Variants in MDGA2 observed in about 807,000 individuals in gnomAD.
MDGA2 encodes MAM domain-containing glycosylphosphatidylinositol anchor protein 2.
A neutral mutation model predicts 117.8 loss-of-function variants in MDGA2; 40 were observed. The ratio of observed to expected loss-of-function variants is 0.34; its 90% CI spans 0.26 to 0.44. MDGA2 has a LOEUF of 0.44. Among genes scored for constraint, MDGA2 ranks in the 20% least tolerant of loss-of-function variants. MDGA2 has a pLI of 1.00. For synonymous variants in MDGA2, 452 were observed against 439.0 expected, an observed-to-expected ratio of 1.03 and a Z score of -0.37; for missense variants, 1,123 against 1,250.6, an observed-to-expected ratio of 0.90 and a Z score of 1.54.
intron 1 of MDGA2, among the ~76,000 whole-genome samples, chr14:47,493,735 A>G (rs1400178784): frequency 6.6e-6 from 1 of 152,228 alleles, no homozygotes; most frequent in Non-Finnish European, 1.5e-5. Context: ...TAGATAATTA[A>G]GTATATTATT....
intron 1 of MDGA2, among the ~76,000 whole-genome samples, chr14:47,555,896 C>G (rs1280456781): frequency 6.6e-6 from 1 of 152,154 alleles, no homozygotes; most frequent in African/African-American, 2.4e-5. Flanking sequence ...CTCCTCCATC[C>G]CCCTAGCCAT....
intron 1 of MDGA2, among the ~76,000 whole-genome samples, chr14:47,360,354 A>AAAATACATAAAT (rs1891091101): frequency 7.1e-6 from 1 of 139,972 alleles, no homozygotes; most frequent in Non-Finnish European, 1.5e-5. Flanking sequence ...TCCATCTCAA[A>AAAATACATAAAT]AAATAAATAA....
chr14:46,898,251 ACT>A (rs1486685019), intron 10 of MDGA2, among the ~76,000 whole-genome samples: 6 of 152,008 alleles, frequency 3.9e-5, no homozygotes, highest in African/African-American at 9.7e-5. Flanking sequence ...TTTGGAAGAG[ACT>A]CTGGTAATTT....
chr14:47,074,240 T>C (rs879763957), intron 6 of MDGA2, among the ~76,000 whole-genome samples: 1 of 152,170 alleles, frequency 6.6e-6, no homozygotes, highest in Non-Finnish European at 1.5e-5. Flanking sequence ...ACTCTCAAGA[T>C]AGTAATATAT....
intron 3 of MDGA2, among the ~76,000 whole-genome samples, chr14:47,191,642 A>G (rs898566699): frequency 6.6e-5 from 10 of 152,118 alleles, no homozygotes; most frequent in Non-Finnish European, 1.2e-4. Flanking sequence ...AAACAAGATT[A>G]CCAAAGTAAG....
intron 1 of MDGA2, among the ~76,000 whole-genome samples, chr14:47,372,748 T>C (rs562391914): frequency 1.3e-5 from 2 of 152,034 alleles, no homozygotes; most frequent in Non-Finnish European, 2.9e-5. Context: ...TATAAAAACA[T>C]ATGTAAAAAA....
chr14:47,388,975 A>G (rs1014762084), intron 1 of MDGA2, among the ~76,000 whole-genome samples: 6 of 152,202 alleles, frequency 3.9e-5, no homozygotes, highest in Non-Finnish European at 7.3e-5. Flanking sequence ...TCTGTATTAC[A>G]TCTTCCCTGG....
intron 5 of MDGA2, among the ~76,000 whole-genome samples, chr14:47,108,303 A>G (rs1249804350): frequency 6.6e-6 from 1 of 152,166 alleles, no homozygotes; most frequent in Admixed American, 6.5e-5. Flanking sequence ...TATTAATATA[A>G]GAAGGCAGGA....
At chr14:47,101,461 A>G (rs1880320077) in intron 5 of MDGA2, among the ~76,000 whole-genome samples, 1 of 152,140 alleles carries the variant, frequency 6.6e-6, no homozygotes, top group Non-Finnish European at 1.5e-5. Flanking sequence ...ACCAAATCCC[A>G]AACATCTGGA....
intron 1 of MDGA2, among the ~76,000 whole-genome samples, chr14:47,533,242 A>G (rs1895136995): frequency 6.6e-6 from 1 of 152,196 alleles, no homozygotes; most frequent in African/African-American, 2.4e-5. Flanking sequence ...AGAAATAAAC[A>G]CCAGGAAAGA....
At chr14:47,463,778 T>C (rs1893541268) in intron 1 of MDGA2, among the ~76,000 whole-genome samples, 1 of 152,160 alleles carries the variant, frequency 6.6e-6, no homozygotes, top group African/African-American at 2.4e-5. Context: ...TTTCATCTCA[T>C]TTAATCATCA....
At chr14:46,959,536 T>A (rs17117849) in intron 8 of MDGA2, among the ~76,000 whole-genome samples, 17,882 of 151,800 alleles carry the variant, frequency 0.12, 1,994 homozygotes, top group African/African-American at 0.27. Flanking sequence ...CAATCTTTTT[T>A]TAACCCAGAG....
intron 1 of MDGA2, among the ~76,000 whole-genome samples, chr14:47,516,489 GAAT>G (rs1489112298): frequency 6.6e-6 from 1 of 152,144 alleles, no homozygotes; most frequent in South Asian, 2.1e-4. Context: ...TAATAGACTT[GAAT>G]ATATTCTTGA....
At chr14:47,544,920 A>T (rs1895428929) in intron 1 of MDGA2, among the ~76,000 whole-genome samples, 1 of 152,232 alleles carries the variant, frequency 6.6e-6, no homozygotes, top group Non-Finnish European at 1.5e-5. Context: ...AAAGTAAAAC[A>T]ATCTTTTCTA....
At chr14:47,267,787 A>T (rs1223635873) in intron 2 of MDGA2, among the ~76,000 whole-genome samples, 1 of 152,178 alleles carries the variant, frequency 6.6e-6, no homozygotes, top group African/African-American at 2.4e-5. Context: ...ATTATGAATG[A>T]TATAAATGAT....
At chr14:47,179,583 C>A (rs1884616629) in intron 3 of MDGA2, among the ~76,000 whole-genome samples, 1 of 151,914 alleles carries the variant, frequency 6.6e-6, no homozygotes, top group Non-Finnish European at 1.5e-5. Flanking sequence ...TTTGTAAAAT[C>A]ATTTTTTTAT....
At chr14:47,499,817 G>C (rs998078265) in intron 1 of MDGA2, among the ~76,000 whole-genome samples, 1 of 152,094 alleles carries the variant, frequency 6.6e-6, no homozygotes, top group African/African-American at 2.4e-5. Flanking sequence ...TTTATAAACA[G>C]ATTTTCATTT....
chr14:47,427,775 T>A (rs1015280176), intron 1 of MDGA2, among the ~76,000 whole-genome samples: 12 of 152,130 alleles, frequency 7.9e-5, no homozygotes, highest in African/African-American at 2.9e-4. Context: ...AAAGTGCCAA[T>A]GAACAGTGAG....
chr14:47,227,525 C>G (rs570601237), intron 2 of MDGA2, among the ~76,000 whole-genome samples: 17 of 152,128 alleles, frequency 1.1e-4, no homozygotes, highest in Non-Finnish European at 2.1e-4. Flanking sequence ...TCATCTCAAG[C>G]TCCATTTCTA....
Sources: allele counts gnomAD v4.1 joint callset (sites outside exome capture counted in the v4.1 genomes callset), GRCh38; gene constraint gnomAD v4.1.1; transcripts MANE v1.5; gene names NCBI Gene and HGNC (gene_info 2026-07-23, HGNC 2026-07-21).